ELAPOR1: variants seen among roughly 807,000 people sequenced by gnomAD.
ELAPOR1 encodes endosome/lysosome-associated apoptosis and autophagy regulator 1.
ELAPOR1 carries 77 observed loss-of-function variants against 119.7 expected under a neutral mutation model. The observed-to-expected ratio is 0.64, with a 90% confidence interval of 0.54 to 0.78. The LOEUF (loss-of-function observed/expected upper bound fraction) is 0.78. Ranked by LOEUF, ELAPOR1 falls within the 30% of genes least tolerant of loss-of-function variation. ELAPOR1 has a pLI of 0.00. For missense variants in ELAPOR1, 1,115 were observed against 1,270.4 expected (o/e 0.88, Z 1.86); for synonymous variants, 481 against 487.2 (o/e 0.99, Z 0.17).
intron 1 of ELAPOR1, among the ~76,000 whole-genome samples, chr1:109,147,537 G>A (rs971653176): frequency 5.3e-5 from 8 of 152,088 alleles, no homozygotes; most frequent in African/African-American, 1.9e-4. Context: ...TGGTTAACAC[G>A]TGTCATTAAA....
chr1:109,130,497 A>T (rs1037685332), intron 1 of ELAPOR1, among the ~76,000 whole-genome samples: 2 of 122,752 alleles, frequency 1.6e-5, no homozygotes, highest in African/African-American at 8.3e-5. Flanking sequence ...TTTTATTTTT[A>T]AAATTATATA....
chr1:109,184,954 C>A, intron 7 of ELAPOR1, 91 bp from the exon 8 acceptor site: 1 of 918,240 alleles, frequency 1.1e-6, no homozygotes, highest in Non-Finnish European at 1.8e-6. Flanking sequence ...GCAATGCACC[C>A]AGGGACTTGG....
chr1:109,194,466 C>T lies in ELAPOR1; in HGVS notation c.1993C>T (p.Pro665Ser). The change falls in exon 15 of 22, where the codon CCG (proline) becomes TCG (serine). Residue 665 changes from proline (P) to serine (S), a missense_variant. Coordinates refer to ENST00000369939, the MANE Select transcript of ELAPOR1 (RefSeq NM_020775.5). ...CGATTGCACCTTCTCACGCAACACTCCGACCAGGACTTTCAACTACAACTT... is the reference window on the plus strand; with the variant it reads ...CGATTGCACCTTCTCACGCAACACTTCGACCAGGACTTTCAACTACAACTT... ...YNDCTFSRNT[P>S]TRTFNYNFSA... 6.2e-7 allele frequency: 1 copy of T among 1,613,870 alleles called. No individual in the cohort carries two copies. Among genetic ancestry groups the T allele is most frequent in the Non-Finnish European group, 8.5e-7 (1 of 1,179,724 alleles).
chr1:109,122,858 A>G (rs141535344), intron 1 of ELAPOR1, among the ~76,000 whole-genome samples: 3,716 of 152,144 alleles, frequency 0.024, 139 homozygotes, highest in African/African-American at 0.085. Flanking sequence ...TTGGGAGGCT[A>G]AGGTAGGAGG....
At chr1:109,121,388 C>T (rs1319890726) in intron 1 of ELAPOR1, among the ~76,000 whole-genome samples, 3 of 152,146 alleles carry the variant, frequency 2.0e-5, no homozygotes, top group Non-Finnish European at 2.9e-5. Context: ...CTCGGGTGAT[C>T]CACCCCCCTC....
intron 1 of ELAPOR1, among the ~76,000 whole-genome samples, chr1:109,153,868 G>C (rs980357015): frequency 6.6e-6 from 1 of 151,974 alleles, no homozygotes; most frequent in African/African-American, 2.4e-5. Context: ...GATTACAGGC[G>C]TGAACCACTG....
chr1:109,154,986 A>C (rs907941924), intron 1 of ELAPOR1, among the ~76,000 whole-genome samples: 3 of 151,734 alleles, frequency 2.0e-5, no homozygotes, highest in Non-Finnish European at 2.9e-5. Context: ...TGGCAACTAA[A>C]CCTCTTTGGG....
In ELAPOR1 at chr1:109,182,490, C is replaced by T. The variant is rs1652756648; in HGVS notation, c.953-2555C>T. ...TGTTCTACAGATGAGAAGGCTGAGGCTCAGAGAGGTTAAGTAACTTGCCTA... is the reference window on the plus strand; with the variant it reads ...TGTTCTACAGATGAGAAGGCTGAGGTTCAGAGAGGTTAAGTAACTTGCCTA... On this transcript the variant is annotated intron_variant, in intron 7 of 21. Transcript: ENST00000369939. Among the ~76,000 whole-genome samples, 3 of 152,148 alleles carry T rather than the reference C, an allele frequency of 2.0e-5. No homozygotes were observed. In the South Asian group the frequency reaches 6.2e-4, roughly 32 times the overall value.
chr1:109,184,529 T>C (rs1652930843), intron 7 of ELAPOR1, among the ~76,000 whole-genome samples: 1 of 152,234 alleles, frequency 6.6e-6, no homozygotes, highest in South Asian at 2.1e-4. Context: ...GCCTTCATTC[T>C]AGGCATATAT....
At chr1:109,119,860 T>C (rs143445653) in intron 1 of ELAPOR1, among the ~76,000 whole-genome samples, 9,037 of 152,260 alleles carry the variant, frequency 0.059, 335 homozygotes, top group Middle Eastern at 0.088. Context: ...GGTTGTGGGT[T>C]GTGTATAGAT....
At chr1:109,185,397 C>T (rs1288326076) in intron 8 of ELAPOR1, among the ~76,000 whole-genome samples, 4 of 151,868 alleles carry the variant, frequency 2.6e-5, no homozygotes, top group Non-Finnish European at 4.4e-5. Flanking sequence ...TTCATTCTCT[C>T]TTGCTTGGTT....
At chr1:109,167,632 A>G (rs1319583007) in intron 3 of ELAPOR1, among the ~76,000 whole-genome samples, 1 of 151,888 alleles carries the variant, frequency 6.6e-6, no homozygotes, top group African/African-American at 2.4e-5. Flanking sequence ...TTTAAGAAAC[A>G]AGGTCTCACT....
chr1:109,137,993 T>G (rs989061896), intron 1 of ELAPOR1, among the ~76,000 whole-genome samples: 4 of 152,264 alleles, frequency 2.6e-5, no homozygotes, highest in Non-Finnish European at 5.9e-5. Flanking sequence ...CTAGAAAGAC[T>G]ACATTCCAGC....
intron 1 of ELAPOR1, among the ~76,000 whole-genome samples, chr1:109,134,114 C>T (rs1021393873): frequency 2.0e-5 from 3 of 152,156 alleles, no homozygotes; most frequent in Non-Finnish European, 4.4e-5. Context: ...CCTTTTATTC[C>T]TTGTAGCAGA....
chr1:109,153,166 C>G (rs1650645223), intron 1 of ELAPOR1, among the ~76,000 whole-genome samples: 1 of 151,390 alleles, frequency 6.6e-6, no homozygotes, highest in Non-Finnish European at 1.5e-5. Flanking sequence ...TTCAAATTTG[C>G]CATAATAGGT....
At chr1:109,170,715 T>C (rs79695248) in intron 3 of ELAPOR1, among the ~76,000 whole-genome samples, 4 of 152,280 alleles carry the variant, frequency 2.6e-5, no homozygotes, top group African/African-American at 7.2e-5. Context: ...GGGAGTGCCA[T>C]GGTCAGACGT....
At chr1:109,116,730 G>A (rs1648034368) in intron 1 of ELAPOR1, among the ~76,000 whole-genome samples, 1 of 146,776 alleles carries the variant, frequency 6.8e-6, no homozygotes, top group Non-Finnish European at 1.5e-5. Context: ...TTTGTTGCCA[G>A]GCCAGGCTGG....
intron 12 of ELAPOR1, 41 bp downstream of exon 12, chr1:109,191,512 G>A (rs1164605739): frequency 1.3e-6 from 2 of 1,566,682 alleles, no homozygotes; most frequent in Admixed American, 1.7e-5. Context: ...GCCTCCAGGG[G>A]AGGGTTAGCC....
At chr1:109,115,861 G>A (rs1647962928) in intron 1 of ELAPOR1, among the ~76,000 whole-genome samples, 1 of 152,194 alleles carries the variant, frequency 6.6e-6, no homozygotes, top group South Asian at 2.1e-4. Context: ...ATTATGACCT[G>A]TTTTAGAGAT....
Sources: allele counts gnomAD v4.1 joint callset (sites outside exome capture counted in the v4.1 genomes callset), GRCh38; gene constraint gnomAD v4.1.1; transcripts MANE v1.5; gene names NCBI Gene and HGNC (gene_info 2026-07-23, HGNC 2026-07-21).